Variants in UNC79 observed in about 807,000 individuals in gnomAD.
UNC79 encodes unc-79 subunit of NALCN channel complex, also known as protein unc-79 homolog.
In UNC79, 37 loss-of-function variants were observed where a neutral mutation model predicts 283.1. The ratio of observed to expected loss-of-function variants is 0.13; its 90% CI spans 0.10 to 0.17. The LOEUF is 0.17. Among genes scored for constraint, UNC79 ranks in the 10% least tolerant of loss-of-function variants. The pLI is 1.00. For synonymous variants in UNC79, 1,107 were observed against 1,200.2 expected (o/e 0.92, Z 1.61); for missense variants, 2,272 against 3,211.1 (o/e 0.71, Z 7.07).
At chr14:93,385,070 CT>C (rs2054741768) in intron 1 of UNC79, among the ~76,000 whole-genome samples, 1 of 152,170 alleles carries the variant, frequency 6.6e-6, no homozygotes, top group African/African-American at 2.4e-5. Flanking sequence ...TACCATGCCA[CT>C]TTGGTTACTA....
At chr14:93,555,293 G>T (rs1224671714) in intron 14 of UNC79, among the ~76,000 whole-genome samples, 1 of 65,732 alleles carries the variant, frequency 1.5e-5, no homozygotes, top group African/African-American at 6.4e-5. Flanking sequence ...TACATATCTT[G>T]GTAGTAAGAC....
chr14:93,589,376 G>A (rs2141888588), intron 22 of UNC79, among the ~76,000 whole-genome samples: 1 of 152,154 alleles, frequency 6.6e-6, no homozygotes, highest in South Asian at 2.1e-4. Context: ...CAGAAAAATT[G>A]ATATTTGGGA....
intron 8 of UNC79, among the ~76,000 whole-genome samples, chr14:93,525,356 G>T (rs1208436695): frequency 2.0e-5 from 3 of 152,126 alleles, no homozygotes; most frequent in Non-Finnish European, 4.4e-5. Flanking sequence ...GGCTGAGGGA[G>T]GGGAATTACT....
At chr14:93,354,528 T>TA (rs1363391615) in intron 1 of UNC79, among the ~76,000 whole-genome samples, 3 of 152,224 alleles carry the variant, frequency 2.0e-5, no homozygotes, top group African/African-American at 7.2e-5. Flanking sequence ...GACAGGGTCT[T>TA]ACTCTGTCAC....
chr14:93,453,416 A>AT (rs1047536950), intron 1 of UNC79, among the ~76,000 whole-genome samples: 1 of 152,170 alleles, frequency 6.6e-6, no homozygotes, highest in Non-Finnish European at 1.5e-5. Flanking sequence ...AAAACCTATG[A>AT]TTTTTTAAGT....
chr14:93,700,129 A>G (rs1293061258), intron 47 of UNC79, among the ~76,000 whole-genome samples: 2 of 128,544 alleles, frequency 1.6e-5, no homozygotes, highest in Non-Finnish European at 3.4e-5. Context: ...CTTTTTGCTT[A>G]TATTGTTTCC....
intron 38 of UNC79, 84 bp from the exon 42 acceptor site, chr14:93,659,109 A>G: frequency 9.0e-7 from 1 of 1,111,514 alleles, no homozygotes; most frequent in East Asian, 2.6e-5. Flanking sequence ...CTTTTGCTAA[A>G]CTAAATGCTT....
chr14:93,419,970 C>T (rs1247383224), intron 1 of UNC79, among the ~76,000 whole-genome samples: 1 of 150,344 alleles, frequency 6.7e-6, no homozygotes, highest in East Asian at 1.9e-4. Flanking sequence ...ATTATTCATC[C>T]CTTAAAAACT....
At chr14:93,524,908 G>A (rs2060477566) in intron 8 of UNC79, among the ~76,000 whole-genome samples, 1 of 152,084 alleles carries the variant, frequency 6.6e-6, no homozygotes, top group African/African-American at 2.4e-5. Flanking sequence ...TAGATAGCCT[G>A]TAGAAAACCA....
At chr14:93,455,091 C>T (rs1428765632) in intron 1 of UNC79, among the ~76,000 whole-genome samples, 2 of 152,166 alleles carry the variant, frequency 1.3e-5, no homozygotes, top group Admixed American at 6.5e-5. Context: ...TGGCTGAAGA[C>T]TATGTATGTA....
intron 30 of UNC79, among the ~76,000 whole-genome samples, chr14:93,627,574 A>C (rs2067666437): frequency 6.6e-6 from 1 of 152,224 alleles, no homozygotes; most frequent in Non-Finnish European, 1.5e-5. Context: ...ACAAAAGAAC[A>C]AGCCGTGTTG....
chr14:93,481,092 G>A (rs1289361731), intron 4 of UNC79, among the ~76,000 whole-genome samples: 2 of 152,098 alleles, frequency 1.3e-5, no homozygotes, highest in Non-Finnish European at 1.5e-5. Context: ...TACCATCCTT[G>A]TCAATAAACC....
At chr14:93,345,697 C>G (rs1259703835) in intron 1 of UNC79, among the ~76,000 whole-genome samples, 1 of 151,926 alleles carries the variant, frequency 6.6e-6, no homozygotes. Context: ...CTAAGAAGGG[C>G]CAGTGTCCGT....
At chr14:93,616,821 C>T (rs1043888430) in intron 27 of UNC79, among the ~76,000 whole-genome samples, 1 of 152,174 alleles carries the variant, frequency 6.6e-6, no homozygotes, top group Non-Finnish European at 1.5e-5. Context: ...TAGGTTTCTT[C>T]ATTGTCTAGT....
upstream of UNC79, among the ~76,000 whole-genome samples, chr14:93,427,393 G>A (rs1319509550): frequency 6.6e-6 from 1 of 152,020 alleles, no homozygotes; most frequent in African/African-American, 2.4e-5. Flanking sequence ...GTTTTAAAAA[G>A]ATATGTATAG....
intron 47 of UNC79, among the ~76,000 whole-genome samples, chr14:93,695,499 T>G (rs1239044736): frequency 6.6e-6 from 1 of 152,206 alleles, no homozygotes; most frequent in East Asian, 1.9e-4. Flanking sequence ...AATATACATA[T>G]GGCAAATGGT....
At chr14:93,452,937 C>G (rs1006272515) in intron 1 of UNC79, among the ~76,000 whole-genome samples, 3 of 152,216 alleles carry the variant, frequency 2.0e-5, no homozygotes, top group Middle Eastern at 6.8e-3. Context: ...CAATTTTGTT[C>G]AAGTTAAAGA....
chr14:93,406,315 G>T (rs774891708), intron 1 of UNC79, among the ~76,000 whole-genome samples: 2 of 152,158 alleles, frequency 1.3e-5, no homozygotes, highest in Non-Finnish European at 2.9e-5. Flanking sequence ...GGGCATGGTG[G>T]CTCACGCCTG....
intron 35 of UNC79, among the ~76,000 whole-genome samples, chr14:93,652,531 A>T (rs1171462813): frequency 6.6e-6 from 1 of 152,186 alleles, no homozygotes; most frequent in Non-Finnish European, 1.5e-5. Flanking sequence ...AAATGCTGGG[A>T]TTACAGGCGA....
Sources: allele counts gnomAD v4.1 joint callset (sites outside exome capture counted in the v4.1 genomes callset), GRCh38; gene constraint gnomAD v4.1.1; transcripts MANE v1.5; gene names NCBI Gene and HGNC (gene_info 2026-07-23, HGNC 2026-07-21).